Variants in EMILIN2 observed in about 807,000 individuals in gnomAD.
The protein encoded by EMILIN2 is elastin microfibril interfacer 2.
In EMILIN2, 71 loss-of-function variants were observed where a neutral mutation model predicts 87.1. The observed-to-expected ratio is 0.82, with a 90% confidence interval of 0.67 to 0.99. The LOEUF (loss-of-function observed/expected upper bound fraction) is 0.99, where lower values mean the gene tolerates loss of function less well. EMILIN2 is among the 50% of genes least tolerant of loss of function. EMILIN2 has a pLI of 0.00. For synonymous variants in EMILIN2, 581 were observed against 563.4 expected (o/e 1.03, Z -0.44); for missense variants, 1,407 against 1,371.8 (o/e 1.03, Z -0.40).
intron 2 of EMILIN2, among the ~76,000 whole-genome samples, chr18:2,870,114 G>C (rs1298052061): frequency 1.3e-5 from 2 of 152,066 alleles, no homozygotes; most frequent in African/African-American, 4.8e-5. Context: ...GGTGGTGCAC[G>C]CCTGTGGTCC....
Position 2,892,072 on chromosome 18 carries a change from C to T in EMILIN2, c.1945C>T (p.Gln649Ter). ...GMGRFTKVGE[Q>*]ERTVDTLPSP... is the part of the protein sequence containing the mutation. ...GGGTAGGTTCACTAAGGTGGGTGAGCAAGAAAGGACAGTGGACACCCTGCC... is the reference window on the plus strand; with the variant it reads ...GGGTAGGTTCACTAAGGTGGGTGAGTAAGAAAGGACAGTGGACACCCTGCC... The change falls in exon 4 of 8, where the codon CAA becomes TAA. Residue 649 changes from glutamine to a stop codon, truncating the protein, a stop_gained. Transcript: ENST00000254528. LOFTEE classifies it high-confidence loss of function. 1 of 1,614,136 alleles carries T rather than the reference C, an allele frequency of 6.2e-7. No homozygotes were observed. Among genetic ancestry groups the T allele is most frequent in the Non-Finnish European group, 8.5e-7 (1 of 1,180,022 alleles).
chr18:2,851,842 T>A (rs1429135365), intron 2 of EMILIN2, among the ~76,000 whole-genome samples: 1 of 152,206 alleles, frequency 6.6e-6, no homozygotes, highest in Non-Finnish European at 1.5e-5. Context: ...TTCCATTCCA[T>A]ACATTAGTTT....
At chr18:2,912,992 T>C (rs947686101) in intron 7 of EMILIN2, 75 bp from the exon 8 acceptor site, 15 of 1,500,244 alleles carry the variant, frequency 1.0e-5, no homozygotes, top group Non-Finnish European at 1.3e-5. Context: ...GGTTAATCAC[T>C]GGGGGGCCAC....
At chr18:2,889,978 T>A (rs9966602) in intron 3 of EMILIN2, among the ~76,000 whole-genome samples, 258 of 152,374 alleles carry the variant, frequency 1.7e-3, no homozygotes, top group African/African-American at 5.7e-3. Flanking sequence ...TCTGTGAGAC[T>A]CTTTGAGCAC....
chr18:2,909,084 C>A, intron 6 of EMILIN2, 109 bp downstream of exon 6: 1 of 1,392,222 alleles, frequency 7.2e-7, no homozygotes. Flanking sequence ...CAAATCAAGC[C>A]TGGGCCCAGC....
intron 2 of EMILIN2, among the ~76,000 whole-genome samples, chr18:2,851,261 G>A (rs1423728211): frequency 2.6e-5 from 4 of 151,142 alleles, no homozygotes; most frequent in Admixed American, 2.0e-4. Context: ...AACATAGTGT[G>A]ACCCTATCAC....
intron 2 of EMILIN2, among the ~76,000 whole-genome samples, chr18:2,883,216 C>A (rs1300598318): frequency 8.8e-5 from 4 of 45,224 alleles, no homozygotes; most frequent in South Asian, 1.4e-3. Context: ...CAGTGTGTGA[C>A]CCTCGGGGAG....
intron 2 of EMILIN2, among the ~76,000 whole-genome samples, chr18:2,879,682 C>A (rs540738042): frequency 1.3e-3 from 198 of 151,276 alleles, no homozygotes; most frequent in Middle Eastern, 6.9e-3. Context: ...ACACCCCCCC[C>A]AAAAAAAGAA....
intron 3 of EMILIN2, among the ~76,000 whole-genome samples, chr18:2,887,937 G>A (rs1429174072): frequency 6.6e-6 from 1 of 152,070 alleles, no homozygotes; most frequent in Non-Finnish European, 1.5e-5. Flanking sequence ...AAAGTGCTGG[G>A]GTTACAGGCA....
intron 2 of EMILIN2, among the ~76,000 whole-genome samples, chr18:2,857,926 C>T (rs1321733627): frequency 6.6e-6 from 1 of 152,172 alleles, no homozygotes; most frequent in African/African-American, 2.4e-5. Flanking sequence ...GTTTCATCAC[C>T]TCCTGGCCAC....
chr18:2,892,280 C>CT lies in EMILIN2; in HGVS notation c.2154dup (p.Ile719TyrfsTer57), dbSNP rs764664832. ...GAGAAAACTTGCAGCAAGCTGGACT[C>CT]TATCTCAGGAAATCTTCAGAGGATC... On this transcript the variant is annotated frameshift_variant, in exon 4 of 8. Coordinates refer to ENST00000254528, the MANE Select transcript of EMILIN2 (RefSeq NM_032048.3). LOFTEE classifies it high-confidence loss of function. The CT allele has an allele frequency of 3.1e-6, 5 of 1,614,126 alleles. No individual in the cohort carries two copies. The highest frequency in any genetic ancestry group is 2.2e-5 in the South Asian group (2 of 91,086).
intron 2 of EMILIN2, among the ~76,000 whole-genome samples, chr18:2,867,085 G>T (rs1045629481): frequency 2.6e-5 from 4 of 152,056 alleles, no homozygotes; most frequent in African/African-American, 9.7e-5. Context: ...ATATGCTGTT[G>T]GTTTGGTTAG....
At chr18:2,895,261 A>G (rs1282797038) in intron 4 of EMILIN2, among the ~76,000 whole-genome samples, 4 of 152,066 alleles carry the variant, frequency 2.6e-5, no homozygotes, top group Non-Finnish European at 5.9e-5. Context: ...CTGAGCCCTC[A>G]GTGTAGGTAT....
chr18:2,878,039 G>C (rs1280811431), intron 2 of EMILIN2, among the ~76,000 whole-genome samples: 1 of 152,218 alleles, frequency 6.6e-6, no homozygotes, highest in Non-Finnish European at 1.5e-5. Flanking sequence ...TCCAGGGACT[G>C]GGGGCAGAGG....
chr18:2,887,106 AT>A (rs1419457013), intron 3 of EMILIN2, among the ~76,000 whole-genome samples: 1 of 152,252 alleles, frequency 6.6e-6, no homozygotes, highest in East Asian at 1.9e-4. Flanking sequence ...TATGAACACT[AT>A]TTTTTATTCT....
chr18:2,847,370 G>C lies in EMILIN2; in HGVS notation c.134+48G>C. On this transcript the variant is annotated intron_variant, in intron 1 of 7. Transcript: ENST00000254528. This position sits in a 1 kb window ranked among gnomAD's most constrained non-coding sequence, Gnocchi z 4.5. ...GCCCCAAACCGCCTACCCCTCCCCG[G>C]CCCCCAGTTGAGCCCCAGAGCTGCC... 1 of 1,266,532 alleles carries C rather than the reference G, an allele frequency of 7.9e-7. No homozygotes were observed. Among genetic ancestry groups the C allele is most frequent in the Non-Finnish European group, 1.0e-6 (1 of 1,004,052 alleles). The allele number at this position is 1,266,532 out of a possible 1,614,324, so 78.5% of individuals were successfully genotyped here.
At chr18:2,906,040 C>T (rs2076910216) in intron 4 of EMILIN2, among the ~76,000 whole-genome samples, 1 of 152,162 alleles carries the variant, frequency 6.6e-6, no homozygotes, top group Non-Finnish European at 1.5e-5. Context: ...GCATCGTGGG[C>T]ACCAGGCTGA....
At chr18:2,901,772 A>G (rs550761897) in intron 4 of EMILIN2, among the ~76,000 whole-genome samples, 1 of 152,370 alleles carries the variant, frequency 6.6e-6, no homozygotes, top group South Asian at 2.1e-4. Context: ...GCAGAGTGCT[A>G]TCCAGCCTTT....
At chr18:2,853,489 G>T (rs926942102) in intron 2 of EMILIN2, among the ~76,000 whole-genome samples, 8 of 152,104 alleles carry the variant, frequency 5.3e-5, no homozygotes, top group African/African-American at 1.7e-4. Flanking sequence ...TGAGGCACTG[G>T]GCAGGTTGAC....
Sources: allele counts gnomAD v4.1 joint callset (sites outside exome capture counted in the v4.1 genomes callset), GRCh38; gene constraint gnomAD v4.1.1; non-coding constraint Gnocchi (gnomAD v3.1); transcripts MANE v1.5; gene names NCBI Gene and HGNC (gene_info 2026-07-23, HGNC 2026-07-21).